The following MON2 variants were observed in gnomAD, a reference collection of about 807,000 sequenced individuals.
The protein encoded by MON2 is MON2 regulator of endosome-to-Golgi trafficking, also known as protein MON2 homolog.
Under a neutral mutation model 208.6 loss-of-function variants are expected in MON2, and 84 were observed. That is an observed-to-expected ratio of 0.40 (90% CI 0.34 to 0.48). MON2 has a LOEUF of 0.48. MON2 is among the 20% of genes least tolerant of loss of function. The pLI is 0.59. For missense variants in MON2, 1,611 were observed against 2,015.4 expected (o/e 0.80, Z 3.84); for synonymous variants, 660 against 694.0 (o/e 0.95, Z 0.77).
rs1157987695 is a variant in MON2 at position 62,560,613 on chromosome 12, C to T, written c.3532C>T (p.Pro1178Ser). The change falls in exon 26 of 35, where the codon CCT (proline) becomes TCT (serine). Residue 1178 changes from proline to serine, a missense_variant. By Grantham distance (74) the Pro-to-Ser change is moderately conservative. Transcript: ENST00000393630. Reference sequence around the variant, plus strand: ...CCAGGAAATTTTACAGATTGTGTCCCCTGTCAGAGACTCAGATAAGCCTGA... The same window carrying T: ...CCAGGAAATTTTACAGATTGTGTCCTCTGTCAGAGACTCAGATAAGCCTGA... ...SFQEILQIVS[P>S]VRDSDKPETP... 1 of 1,613,882 alleles carries T rather than the reference C, an allele frequency of 6.2e-7. No individual in the cohort carries two copies. Among genetic ancestry groups the T allele is most frequent in the Non-Finnish European group, 8.5e-7 (1 of 1,179,998 alleles).
At chr12:62,582,759 C>T (rs1371760832) in intron 32 of MON2, among the ~76,000 whole-genome samples, 2 of 151,216 alleles carry the variant, frequency 1.3e-5, no homozygotes, top group Admixed American at 6.6e-5. Flanking sequence ...TAAACATATA[C>T]ATACAAAACT....
chr12:62,481,873 G>A (rs1214403712), intron 1 of MON2, among the ~76,000 whole-genome samples: 3 of 152,170 alleles, frequency 2.0e-5, no homozygotes, highest in African/African-American at 7.2e-5. Context: ...AGAGTTGGTA[G>A]AAGGCTGGAT....
chr12:62,499,820 C>T (rs932565786), intron 5 of MON2, among the ~76,000 whole-genome samples: 5 of 151,892 alleles, frequency 3.3e-5, no homozygotes, highest in Admixed American at 1.3e-4. Context: ...TTGCAGTGAG[C>T]TGTGATTGCA....
rs1039236125 is a variant in MON2 at position 62,558,119 on chromosome 12, C to G, written c.3409+1927C>G. 9.3e-5 allele frequency among the ~76,000 whole-genome samples: 14 copies of G among 150,834 alleles called. No individual in the cohort carries two copies. The South Asian group carries it at 2.5e-3, about 27-fold the overall frequency. On this transcript the variant is annotated intron_variant, in intron 25 of 34. Transcript: ENST00000393630. Reference sequence around the variant, plus strand: ...CCTCCTGAGTAGCAGGGATTACAGACAGGCATGCGCCACCATGCCCGGCTA... The same window carrying G: ...CCTCCTGAGTAGCAGGGATTACAGAGAGGCATGCGCCACCATGCCCGGCTA...
Position 62,537,681 on chromosome 12 carries a change from G to A in MON2, c.2093G>A (p.Trp698Ter). 6.2e-7 allele frequency: 1 copy of A among 1,612,826 alleles called. No individual in the cohort carries two copies. The highest frequency in any genetic ancestry group is 8.5e-7 in the Non-Finnish European group (1 of 1,179,494). The change falls in exon 16 of 35, where the codon TGG becomes TAG. Residue 698 changes from tryptophan (W) to a stop codon, truncating the protein, a stop_gained. Transcript: ENST00000393630. LOFTEE classifies it high-confidence loss of function. ...CATGGGGCTGTTCTTGGAACATCAT[G>A]GCAACTTGTCTTGGCAACTCTTCAG... is the stretch of plus-strand genomic sequence containing the variant. ...HCHGAVLGTS[W>*]QLVLATLQHL...
chr12:62,480,278 A>G (rs2069338999), intron 1 of MON2, among the ~76,000 whole-genome samples: 1 of 152,170 alleles, frequency 6.6e-6, no homozygotes, highest in Non-Finnish European at 1.5e-5. Context: ...AAAATACTTG[A>G]CCAGGCACGG....
intron 1 of MON2, among the ~76,000 whole-genome samples, chr12:62,479,410 A>ATGTGTG (rs200014983): frequency 1.4e-5 from 2 of 141,838 alleles, no homozygotes; most frequent in Admixed American, 1.5e-4. Flanking sequence ...GTATTTTAAA[A>ATGTGTG]TGTGTGTGTG....
rs2074958015 is a variant in MON2 at position 62,580,314 on chromosome 12, C to G, written c.4593C>G (p.Ser1531Arg). The G allele has an allele frequency of 1.2e-6, 2 of 1,610,622 alleles. No homozygotes were observed. Among genetic ancestry groups the G allele is most frequent in the African/African-American group, 2.7e-5 (2 of 74,960 alleles). The change falls in exon 32 of 35, where the codon AGC (serine) becomes AGG (arginine). Residue 1531 changes from serine (S) to arginine (R), a missense_variant. Physicochemically the swap from Ser to Arg is moderately radical, Grantham distance 110. Transcript: ENST00000393630. ...NIDVEVVQLI[S>R]NEILPYANFI... The stretch of plus-strand genomic sequence containing the variant: ...TGTTTTAGGTAGTTCAACTTATCAG[C>G]AATGAGATACTACCTTATGCCAATT...
At chr12:62,470,040 G>A (rs564887945) in intron 1 of MON2, among the ~76,000 whole-genome samples, 218 of 151,942 alleles carry the variant, frequency 1.4e-3, no homozygotes, top group African/African-American at 5.0e-3. Context: ...GAGTAGCTGG[G>A]ACTACAGGTG....
chr12:62,484,634 A>G (rs966351920), intron 2 of MON2: 1 of 163,012 alleles, frequency 6.1e-6, no homozygotes, highest in Non-Finnish European at 1.3e-5. Flanking sequence ...CTTTAATATA[A>G]TACGAACAGT....
At chr12:62,544,772 A>G in intron 20 of MON2, 126 bp from the exon 21 acceptor site, 1 of 1,538,406 alleles carries the variant, frequency 6.5e-7, no homozygotes, top group Non-Finnish European at 8.8e-7. Context: ...TCAGAAGGTA[A>G]GCTAACTTAC....
intron 8 of MON2, among the ~76,000 whole-genome samples, chr12:62,514,924 G>A (rs1222327222): frequency 6.6e-6 from 1 of 152,184 alleles, no homozygotes; most frequent in Non-Finnish European, 1.5e-5. Flanking sequence ...GAGCAAAACT[G>A]TAATGAGGCT....
In MON2 at chr12:62,534,875, A is replaced by G; in HGVS notation, c.1664A>G (p.Asn555Ser). The stretch of plus-strand genomic sequence containing the variant: ...AGGGCTGTTTGGGAAGAAATGGTGA[A>G]TGCCTGCTGGTGTGGTCTTCTTGCT... ...VSRAVWEEMV[N>S]ACWCGLLAAL... Residue 555 changes from asparagine to serine, a missense_variant, in exon 13 of 35, where the codon AAT becomes AGT. Asn to Ser is a conservative substitution (Grantham distance 46). Coordinates refer to ENST00000393630, the MANE Select transcript of MON2 (RefSeq NM_015026.3). 1 of 1,612,424 alleles carries G rather than the reference A, an allele frequency of 6.2e-7. No homozygotes were observed. Among genetic ancestry groups the G allele is most frequent in the South Asian group, 1.1e-5 (1 of 91,014 alleles).
In MON2 at chr12:62,597,169, A is replaced by C. The variant is rs907877065; in HGVS notation, c.*4420A>C. On this transcript the variant is annotated 3_prime_UTR_variant, in exon 35 of 35. Transcript: ENST00000393630. ...TAAATTTATTACTATATTGTAAGAG[A>C]GATCTTTGACCATTTTTCTTCCTTT... The C allele has an allele frequency of 6.6e-6, 1 of 152,224 alleles. No homozygotes were observed. The highest frequency in any genetic ancestry group is 1.5e-5 in the Non-Finnish European group (1 of 68,040). 9.4% of individuals were successfully genotyped at this position (152,224 alleles called of 1,614,324 possible).
chr12:62,540,832 G>A (rs1384216249), intron 19 of MON2, among the ~76,000 whole-genome samples: 2 of 152,066 alleles, frequency 1.3e-5, no homozygotes, highest in African/African-American at 4.8e-5. Context: ...TTAGATGGAG[G>A]CTATAAAAAG....
Position 62,506,725 on chromosome 12 carries a change from CA to C in MON2, c.790-1548del, listed in dbSNP as rs11372859. ...TGGGTAACAGAGTGAAACTCCATCT[CA>C]AAAAAAAAAAAAGATACATTTAAAA... On this transcript the variant is annotated intron_variant, in intron 7 of 34. Coordinates refer to ENST00000393630, the MANE Select transcript of MON2 (RefSeq NM_015026.3). Among the ~76,000 whole-genome samples, 70 of 144,670 alleles carry C rather than the reference CA, an allele frequency of 4.8e-4. 1 individual carries two copies. Among genetic ancestry groups the C allele is most frequent in the South Asian group, 2.6e-3 (12 of 4,572 alleles). The allele number at this position is 144,670 out of a possible 152,430, so 94.9% of individuals were successfully genotyped here. A position where few individuals can be genotyped will look rare whatever the true frequency, so the allele number is the denominator to read the frequency against.
chr12:62,512,480 C>G (rs1005727587), intron 8 of MON2, among the ~76,000 whole-genome samples: 1 of 152,200 alleles, frequency 6.6e-6, no homozygotes, highest in Non-Finnish European at 1.5e-5. Context: ...AAAATGACCT[C>G]CTTTGACTCC....
At chr12:62,489,903 T>C in intron 2 of MON2, 1 of 352,250 alleles carries the variant, frequency 2.8e-6, no homozygotes, top group Non-Finnish European at 4.8e-6. Context: ...AAATAATGTC[T>C]AAGTCACATT....
At chr12:62,545,044 A>G (rs748117935) in intron 21 of MON2, 36 bp downstream of exon 21, 7 of 1,325,456 alleles carry the variant, frequency 5.3e-6, no homozygotes, top group Non-Finnish European at 7.3e-6. Context: ...AGAATACTCA[A>G]TATAAAATTA....
Sources: gnomAD v4.1 joint callset for allele counts (sites outside exome capture counted in the v4.1 genomes callset) on GRCh38, gnomAD v4.1.1 for gene constraint, MANE v1.5 for transcripts, NCBI Gene and HGNC (gene_info 2026-07-23, HGNC 2026-07-21) for gene names.